IGF1R: variants seen among roughly 807,000 people sequenced by gnomAD.
IGF1R encodes insulin-like growth factor 1 receptor.
In IGF1R, 44 loss-of-function variants were observed where a neutral mutation model predicts 144.6. The ratio of observed to expected loss-of-function variants is 0.30; its 90% CI spans 0.24 to 0.39. The LOEUF (loss-of-function observed/expected upper bound fraction) is 0.39, where lower values mean the gene tolerates loss of function less well. Among genes scored for constraint, IGF1R ranks in the 10% least tolerant of loss-of-function variants. The probability of loss-of-function intolerance (pLI) is 1.00; values close to 1 mark genes in which losing one functional copy is unlikely to be tolerated. For missense variants in IGF1R, 1,355 were observed against 1,833.7 expected, an observed-to-expected ratio of 0.74 and a Z score of 4.77; for synonymous variants, 795 against 722.8, an observed-to-expected ratio of 1.10 and a Z score of -1.60.
intron 2 of IGF1R, among the ~76,000 whole-genome samples, chr15:98,749,636 C>G (rs1161227971): frequency 6.6e-6 from 1 of 152,194 alleles, no homozygotes; most frequent in Non-Finnish European, 1.5e-5. Context: ...TAGCAATCGT[C>G]TACCAGATGA....
chr15:98,877,259 A>G (rs2013104606), intron 2 of IGF1R, among the ~76,000 whole-genome samples: 1 of 152,216 alleles, frequency 6.6e-6, no homozygotes, highest in Non-Finnish European at 1.5e-5. Context: ...TGCTGTGTTT[A>G]AAAAGCATGT....
At chr15:98,711,674 A>G (rs1377914311) in intron 2 of IGF1R, among the ~76,000 whole-genome samples, 1 of 152,088 alleles carries the variant, frequency 6.6e-6, no homozygotes, top group Non-Finnish European at 1.5e-5. Context: ...CTTGTCTTCC[A>G]ACGCCACCCT....
intron 2 of IGF1R, among the ~76,000 whole-genome samples, chr15:98,812,261 G>A (rs1019485194): frequency 1.3e-5 from 2 of 152,166 alleles, no homozygotes; most frequent in East Asian, 1.9e-4. Flanking sequence ...GTCAATGACT[G>A]GAGGTAGGAA....
intron 2 of IGF1R, among the ~76,000 whole-genome samples, chr15:98,868,111 C>T (rs771708002): frequency 1.3e-4 from 20 of 151,896 alleles, no homozygotes; most frequent in African/African-American, 3.4e-4. Flanking sequence ...TGTTTGAACC[C>T]GGGAGTTGGG....
At chr15:98,764,951 T>A (rs1310063674) in intron 2 of IGF1R, among the ~76,000 whole-genome samples, 5 of 152,234 alleles carry the variant, frequency 3.3e-5, no homozygotes, top group Non-Finnish European at 7.3e-5. Context: ...CTGTACCCCT[T>A]AAGCAGTTAA....
At chr15:98,661,059 A>G (rs1312435527) in intron 1 of IGF1R, among the ~76,000 whole-genome samples, 1 of 152,166 alleles carries the variant, frequency 6.6e-6, no homozygotes, top group East Asian at 1.9e-4. Context: ...TCCAGCCTTC[A>G]GATCTCAAGA....
In IGF1R at chr15:98,957,440, T is replaced by C. The variant is rs1567223792; in HGVS notation, c.4102T>C (p.Ter1368ArgextTer53). Reference protein sequence around the residue: ...ALPLPQSSTC* With the variant: ...ALPLPQSSTCR ...GCCGCTGCCCCAGTCTTCGACCTGC[T>C]GATCCTTGGATCCTGAATCTGTGCA... Residue 1368 changes from the stop codon to arginine, a stop_lost, in exon 21 of 21, where the codon TGA becomes CGA. Coordinates refer to ENST00000650285, the MANE Select transcript of IGF1R (RefSeq NM_000875.5). 1 of 1,612,978 alleles carries C rather than the reference T, an allele frequency of 6.2e-7. No individual in the cohort carries two copies. Among genetic ancestry groups the C allele is most frequent in the Non-Finnish European group, 8.5e-7 (1 of 1,180,044 alleles).
At chr15:98,893,148 G>A (rs2014012286) in intron 3 of IGF1R, among the ~76,000 whole-genome samples, 1 of 152,206 alleles carries the variant, frequency 6.6e-6, no homozygotes, top group African/African-American at 2.4e-5. Flanking sequence ...AAAAGTAGGT[G>A]TTAATTTTAA....
chr15:98,819,733 TATTG>T (rs1244957536), intron 2 of IGF1R, among the ~76,000 whole-genome samples: 1 of 152,234 alleles, frequency 6.6e-6, no homozygotes, highest in Non-Finnish European at 1.5e-5. Flanking sequence ...TAAAAAGATT[TATTG>T]ATTCAGAAAC....
intron 15 of IGF1R, 103 bp from the exon 16 acceptor site, chr15:98,934,721 T>C (rs1226722828): frequency 1.0e-5 from 10 of 956,538 alleles, no homozygotes; most frequent in Non-Finnish European, 1.5e-5. Context: ...TCTGTGGGTT[T>C]AAGGAAGCAG....
chr15:98,879,093 C>T (rs1489390190), intron 2 of IGF1R, among the ~76,000 whole-genome samples: 1 of 152,112 alleles, frequency 6.6e-6, no homozygotes, highest in Non-Finnish European at 1.5e-5. Flanking sequence ...CCCAGAACGC[C>T]GAAGCAGGGC....
chr15:98,923,790 G>T (rs1234339975), intron 11 of IGF1R, 86 bp from the exon 12 acceptor site: 1 of 1,042,908 alleles, frequency 9.6e-7, no homozygotes, highest in South Asian at 1.3e-5. Context: ...CCGTGTGGAT[G>T]GGGGGGTTAT....
chr15:98,683,680 C>G (rs939520335), intron 1 of IGF1R, among the ~76,000 whole-genome samples: 3 of 152,330 alleles, frequency 2.0e-5, no homozygotes, highest in African/African-American at 7.2e-5. Flanking sequence ...GCCCATTTCA[C>G]AACTACATCT....
chr15:98,916,387 G>T, intron 9 of IGF1R: 1 of 550,336 alleles, frequency 1.8e-6, no homozygotes, highest in Non-Finnish European at 3.2e-6. Context: ...CCAGCATTCC[G>T]AGTAGCTGGG....
At position 98,648,639 on chromosome 15, in the gene IGF1R, G is replaced by A. The variant is rs981570115; in HGVS notation, c.-943G>A. On this transcript the variant is annotated 5_prime_UTR_variant, in exon 1 of 21. Coordinates refer to ENST00000650285, the MANE Select transcript of IGF1R (RefSeq NM_000875.5). ...AAAAAAAGGGAAAAAACCCGAGGAG[G>A]AGCGAGCGCACCAGGCGAACTCGAG... 6.8e-6 allele frequency among the ~76,000 whole-genome samples: 1 copy of A among 147,124 alleles called. No homozygotes were observed. The highest frequency in any genetic ancestry group is 2.4e-5 in the African/African-American group (1 of 40,818).
chr15:98,726,050 G>C (rs1470533810), intron 2 of IGF1R, among the ~76,000 whole-genome samples: 1 of 152,160 alleles, frequency 6.6e-6, no homozygotes, highest in Non-Finnish European at 1.5e-5. Context: ...TCTTAGCAAG[G>C]ACTGTGTTCG....
intron 2 of IGF1R, among the ~76,000 whole-genome samples, chr15:98,768,144 T>C (rs1346722713): frequency 1.3e-5 from 2 of 152,136 alleles, no homozygotes; most frequent in Non-Finnish European, 2.9e-5. Flanking sequence ...TCTCCACAGT[T>C]CTGTTCTCAT....
chr15:98,676,272 G>A (rs1479481411), intron 1 of IGF1R, among the ~76,000 whole-genome samples: 1 of 151,894 alleles, frequency 6.6e-6, no homozygotes, highest in African/African-American at 2.4e-5. Context: ...CGAGTAGCTG[G>A]GACTACAGGC....
rs562552300 is a variant in IGF1R, at chr15:98,720,825, ATTCATTTAAG to A, written c.640+12720_640+12729del. Among the ~76,000 whole-genome samples, 671 of 152,262 alleles carry A rather than the reference ATTCATTTAAG, an allele frequency of 4.4e-3. 5 individuals carry two copies. Among genetic ancestry groups the A allele is most frequent in the African/African-American group, 0.014 (575 of 41,526 alleles). ...ACTCGATTATGTGGAATGAATTTAA[ATTCATTTAAG>A]TCATTCTTTTCCACTAAAGTAAGCT... On this transcript the variant is annotated intron_variant, in intron 2 of 20. Transcript: ENST00000650285.
Sources: allele counts gnomAD v4.1 joint callset (sites outside exome capture counted in the v4.1 genomes callset), GRCh38; gene constraint gnomAD v4.1.1; transcripts MANE v1.5; gene names NCBI Gene and HGNC (gene_info 2026-07-23, HGNC 2026-07-21).